Variants in TEAD4 observed in about 807,000 individuals in gnomAD.
TEAD4 encodes the protein TEA domain transcription factor 4.
In TEAD4, 36 loss-of-function variants were observed where a neutral mutation model predicts 52.4. The ratio of observed to expected loss-of-function variants is 0.69; its 90% confidence interval spans 0.53 to 0.91. The LOEUF is 0.91. Ranked by LOEUF, TEAD4 falls within the 40% of genes least tolerant of loss-of-function variation. The probability of loss-of-function intolerance (pLI) is 0.00; values close to 1 mark genes in which losing one functional copy is unlikely to be tolerated. For synonymous variants in TEAD4, 220 were observed against 231.0 expected, an observed-to-expected ratio of 0.95 and a Z score of 0.43; for missense variants, 508 against 583.9, an observed-to-expected ratio of 0.87 and a Z score of 1.34.
intron 2 of TEAD4, among the ~76,000 whole-genome samples, chr12:2,976,507 C>T (rs1163646059): frequency 1.3e-5 from 2 of 152,152 alleles, no homozygotes; most frequent in Non-Finnish European, 2.9e-5. Flanking sequence ...GCCTCTGGGC[C>T]GGGCGCTGTT....
chr12:3,016,911 A>G (rs1186119153), intron 5 of TEAD4, among the ~76,000 whole-genome samples: 2 of 152,164 alleles, frequency 1.3e-5, no homozygotes, highest in East Asian at 1.9e-4. Context: ...CCAGGTGCCT[A>G]CAGTGCCCAG....
At chr12:3,007,360 G>C (rs1565539994) in intron 3 of TEAD4, among the ~76,000 whole-genome samples, 1 of 152,216 alleles carries the variant, frequency 6.6e-6, no homozygotes, top group Non-Finnish European at 1.5e-5. Flanking sequence ...ATCCTCGCTT[G>C]GCCAGGCCTC....
In TEAD4 at chr12:2,984,192, G is replaced by C. The variant is rs1161310832; in HGVS notation, c.-29-10546G>C. 2.0e-5 allele frequency among the ~76,000 whole-genome samples: 3 copies of C among 152,166 alleles called. No individual in the cohort carries two copies. The South Asian group carries it at 6.2e-4, about 32-fold the overall frequency. On this transcript the variant is annotated intron_variant, in intron 2 of 12. Transcript: ENST00000359864. ...GTGCCTGTGTGCGGAAGGTATGGCC[G>C]GAGAGCAGGGATCAGCAGATGGAAG... is the stretch of plus-strand genomic sequence containing the variant.
intron 2 of TEAD4, among the ~76,000 whole-genome samples, chr12:2,990,401 AC>A (rs1443486103): frequency 6.8e-6 from 1 of 146,010 alleles, no homozygotes; most frequent in African/African-American, 2.7e-5. Context: ...GCCCTTGGTT[AC>A]AAATTCTTTT....
rs1020456309 is a variant in TEAD4, at chr12:3,020,755, G to A, written c.705G>A (p.Gln235=). The change falls in exon 9 of 13, where the codon CAG becomes CAA. Residue 235 remains glutamine (Q), a synonymous_variant. Transcript: ENST00000359864. The stretch of plus-strand genomic sequence containing the variant: ...TGGAGTTCTCTGCCTTCCTGGAGCA[G>A]CAGCAGGACCCGGACACGGTAGGTC... 6.2e-7 allele frequency: 1 copy of A among 1,606,796 alleles called. No individual in the cohort carries two copies. Among genetic ancestry groups the A allele is most frequent in the Admixed American group, 1.7e-5 (1 of 59,216 alleles).
intron 2 of TEAD4, among the ~76,000 whole-genome samples, chr12:2,978,733 C>T (rs898714929): frequency 5.3e-5 from 8 of 152,024 alleles, no homozygotes; most frequent in African/African-American, 1.7e-4. Context: ...ATGAAACTCC[C>T]CATTCCCCCA....
rs761728367 is a variant in TEAD4 at position 3,022,199 on chromosome 12, G to A, written c.897+182G>A. Reference sequence around the variant, plus strand: ...TTGGAGCTGAGCCGAGGAGCGGGGCGGTGATCCCAGAGAGCTGGCCTAGTC... The same window carrying A: ...TTGGAGCTGAGCCGAGGAGCGGGGCAGTGATCCCAGAGAGCTGGCCTAGTC... On this transcript the variant is annotated intron_variant, in intron 10 of 12. Coordinates refer to ENST00000359864, the MANE Select transcript of TEAD4 (RefSeq NM_003213.4). Among the ~76,000 whole-genome samples, 14 of 152,294 alleles carry A rather than the reference G, an allele frequency of 9.2e-5. No homozygotes were observed. The East Asian group carries it at 1.5e-3, about 17-fold the overall frequency.
intron 2 of TEAD4, among the ~76,000 whole-genome samples, chr12:2,976,770 TC>T (rs1357832024): frequency 9.4e-5 from 14 of 148,192 alleles, no homozygotes; most frequent in South Asian, 8.4e-4. Flanking sequence ...AGGCAAGTAC[TC>T]GCCACCCCAT....
intron 2 of TEAD4, among the ~76,000 whole-genome samples, chr12:2,981,955 T>C (rs1369935927): frequency 1.3e-5 from 2 of 152,186 alleles, no homozygotes; most frequent in Non-Finnish European, 2.9e-5. Context: ...GAATTCTCTG[T>C]CTCAGCTCTA....
At chr12:2,982,446 C>CACG (rs2098234842) in intron 2 of TEAD4, among the ~76,000 whole-genome samples, 2 of 152,232 alleles carry the variant, frequency 1.3e-5, no homozygotes, top group South Asian at 4.1e-4. Context: ...GGCCCAGCTC[C>CACG]ACGATGCCAT....
intron 8 of TEAD4, 107 bp downstream of exon 8, chr12:3,019,277 C>A: frequency 1.6e-6 from 2 of 1,281,246 alleles, no homozygotes; most frequent in Non-Finnish European, 2.2e-6. Flanking sequence ...TAGATGCTGC[C>A]CCGTCATGCA....
intron 10 of TEAD4, among the ~76,000 whole-genome samples, chr12:3,033,302 G>A (rs146311952): frequency 1.1e-4 from 17 of 152,336 alleles, no homozygotes; most frequent in African/African-American, 4.1e-4. Flanking sequence ...CTGAAGGGCT[G>A]AGGCTGCTAG....
At chr12:3,014,717 C>T (rs567215257) in intron 5 of TEAD4, among the ~76,000 whole-genome samples, 3 of 152,306 alleles carry the variant, frequency 2.0e-5, no homozygotes, top group African/African-American at 7.2e-5. Context: ...TTAGTGGCTC[C>T]CTGGCTCCAT....
chr12:3,025,470 G>A (rs10848764), intron 10 of TEAD4, among the ~76,000 whole-genome samples: 121,826 of 152,032 alleles, frequency 0.8, 49,715 homozygotes, highest in East Asian at 1. Flanking sequence ...GATTGGTATT[G>A]GTAGTCTGGA....
At chr12:3,019,482 G>A (rs372871390) in intron 8 of TEAD4, among the ~76,000 whole-genome samples, 2 of 152,320 alleles carry the variant, frequency 1.3e-5, no homozygotes, top group East Asian at 3.9e-4. Flanking sequence ...CCACTTGGCC[G>A]GCCTTGTTAC....
chr12:2,991,774 C>T (rs1023105990), intron 2 of TEAD4, among the ~76,000 whole-genome samples: 1 of 152,134 alleles, frequency 6.6e-6, no homozygotes, highest in Non-Finnish European at 1.5e-5. Flanking sequence ...CCCGAAAAAG[C>T]GACTCTGCCC....
intron 2 of TEAD4, among the ~76,000 whole-genome samples, chr12:2,979,115 A>G (rs1014055964): frequency 8.7e-5 from 13 of 150,136 alleles, no homozygotes; most frequent in African/African-American, 2.9e-4. Flanking sequence ...AGGGTTTCAC[A>G]TTGTTGGCCA....
At position 3,031,171 on chromosome 12, in the gene TEAD4, A is replaced by G. The variant is rs547649508; in HGVS notation, c.898-6797A>G. Among the ~76,000 whole-genome samples, 5 of 152,196 alleles carry G rather than the reference A, an allele frequency of 3.3e-5. No individual in the cohort carries two copies. The South Asian group carries it at 1.0e-3, about 32-fold the overall frequency. On this transcript the variant is annotated intron_variant, in intron 10 of 12. Coordinates refer to ENST00000359864, the MANE Select transcript of TEAD4 (RefSeq NM_003213.4). Reference sequence around the variant, plus strand: ...GTACAGCTGGCAGTGGCGCTTCCCAACCCTGCTGTGAGTCTGAGGGGGCCC... The same window carrying G: ...GTACAGCTGGCAGTGGCGCTTCCCAGCCCTGCTGTGAGTCTGAGGGGGCCC...
At chr12:3,004,831 T>G (rs549900911) in intron 3 of TEAD4, among the ~76,000 whole-genome samples, 54 of 152,300 alleles carry the variant, frequency 3.5e-4, no homozygotes, top group Non-Finnish European at 6.2e-4. Flanking sequence ...CCAGCTGGCC[T>G]GGAGGCAGGG....
Sources: gnomAD v4.1 joint callset for allele counts (sites outside exome capture counted in the v4.1 genomes callset) on GRCh38, gnomAD v4.1.1 for gene constraint, MANE v1.5 for transcripts, NCBI Gene and HGNC (gene_info 2026-07-23, HGNC 2026-07-21) for gene names.